SV2B: variants seen among roughly 807,000 people sequenced by gnomAD.
The protein encoded by SV2B is solute carrier family 22 member B2.
Under a neutral mutation model 73.9 loss-of-function variants are expected in SV2B, and 41 were observed. That is an observed-to-expected ratio of 0.56 (90% CI 0.43 to 0.72). The LOEUF is 0.72. SV2B is among the 30% of genes least tolerant of loss of function. The probability of loss-of-function intolerance (pLI) is 0.00; values close to 1 mark genes in which losing one functional copy is unlikely to be tolerated. For synonymous variants in SV2B, 314 were observed against 314.2 expected, an observed-to-expected ratio of 1.00 and a Z score of 0.01; for missense variants, 764 against 857.8, an observed-to-expected ratio of 0.89 and a Z score of 1.37.
intron 1 of SV2B, among the ~76,000 whole-genome samples, chr15:91,104,371 A>G (rs2041819773): frequency 6.6e-6 from 1 of 152,228 alleles, no homozygotes; most frequent in African/African-American, 2.4e-5. Flanking sequence ...TTCACATGGT[A>G]GTGGCAGGAG....
chr15:91,159,966 TA>T (rs2043651785), intron 1 of SV2B, among the ~76,000 whole-genome samples: 1 of 151,970 alleles, frequency 6.6e-6, no homozygotes, highest in African/African-American at 2.4e-5. Flanking sequence ...TAAAATGAAA[TA>T]AAAATTGACA....
At chr15:91,291,109 A>G (rs2049025775) in intron 12 of SV2B, among the ~76,000 whole-genome samples, 1 of 122,078 alleles carries the variant, frequency 8.2e-6, no homozygotes, top group Non-Finnish European at 1.6e-5. Flanking sequence ...TTATATATAA[A>G]TATATATATT....
intron 1 of SV2B, among the ~76,000 whole-genome samples, chr15:91,185,431 A>G (rs148212582): frequency 4.6e-5 from 7 of 152,330 alleles, no homozygotes; most frequent in African/African-American, 1.7e-4. Flanking sequence ...GTGCACTGTT[A>G]TCTACTTAAT....
At chr15:91,279,240 T>C (rs1283628512) in intron 9 of SV2B, among the ~76,000 whole-genome samples, 6 of 152,240 alleles carry the variant, frequency 3.9e-5, no homozygotes, top group Non-Finnish European at 1.5e-5. Context: ...GTTTATCTCT[T>C]TAATTAGACT....
rs546195043 is a variant in SV2B at position 91,276,603 on chromosome 15, A to T, written c.1374-5125A>T. ...CCATGATGAGCCTAATAATGAGTCT[A>T]TCAACGACATTCTTAATATCTGTTA... On this transcript the variant is annotated intron_variant, in intron 9 of 12. Coordinates refer to ENST00000394232, the MANE Select transcript of SV2B (RefSeq NM_001323032.3). Among the ~76,000 whole-genome samples the T allele has an allele frequency of 2.0e-5, 3 of 152,040 alleles. No homozygotes were observed. The East Asian group carries it at 5.8e-4, about 29-fold the overall frequency.
chr15:91,133,957 C>T (rs1322053735), intron 1 of SV2B, among the ~76,000 whole-genome samples: 1 of 150,742 alleles, frequency 6.6e-6, no homozygotes, highest in South Asian at 2.1e-4. Context: ...TGTTGAGATA[C>T]CTTAAAAATA....
At chr15:91,266,732 A>G (rs779183972) in intron 7 of SV2B, 40 bp downstream of exon 7, 46 of 1,502,292 alleles carry the variant, frequency 3.1e-5, no homozygotes, top group South Asian at 4.6e-5. Flanking sequence ...ATGCGTCTCT[A>G]TGGGAGTCTC....
intron 11 of SV2B, among the ~76,000 whole-genome samples, chr15:91,287,455 T>C (rs2048897806): frequency 6.6e-6 from 1 of 152,222 alleles, no homozygotes; most frequent in South Asian, 2.1e-4. Flanking sequence ...GTCACTTTTC[T>C]AGTCTGCAAC....
intron 5 of SV2B, 68 bp from the exon 6 acceptor site, chr15:91,260,252 C>G: frequency 7.2e-7 from 1 of 1,392,986 alleles, no homozygotes; most frequent in Non-Finnish European, 9.8e-7. Context: ...GTAGGATTTT[C>G]CACCCCTAAT....
At position 91,267,408 on chromosome 15, in the gene SV2B, T is replaced by C; in HGVS notation, c.1120-147T>C. Reference sequence around the variant, plus strand: ...GGCTTTCCTTGTTATTTGGACAGTTTTGCTGCCTCTAGGAGACAGTGGGGT... The same window carrying C: ...GGCTTTCCTTGTTATTTGGACAGTTCTGCTGCCTCTAGGAGACAGTGGGGT... On this transcript the variant is annotated intron_variant, in intron 7 of 12. Transcript: ENST00000394232. This position sits in a 1 kb window ranked among gnomAD's most constrained non-coding sequence, Gnocchi z 4.3. The C allele has an allele frequency of 3.1e-6, 2 of 642,898 alleles. No homozygotes were observed. Among genetic ancestry groups the C allele is most frequent in the Non-Finnish European group, 5.5e-6 (2 of 361,324 alleles). 39.8% of individuals were successfully genotyped at this position (642,898 alleles called of 1,614,324 possible).
chr15:91,267,537 C>G lies in SV2B; in HGVS notation c.1120-18C>G, dbSNP rs777050376. On this transcript the variant is annotated intron_variant, in intron 7 of 12. Coordinates refer to ENST00000394232, the MANE Select transcript of SV2B (RefSeq NM_001323032.3). This position sits in a 1 kb window ranked among gnomAD's most constrained non-coding sequence, Gnocchi z 4.3. ...CACATTGCTTTCTTTAACAATCCTT[C>G]TCTGGTATGGGTTGTAGGTCTGGGA... The G allele has an allele frequency of 6.3e-7, 1 of 1,598,856 alleles. No homozygotes were observed. The highest frequency in any genetic ancestry group is 1.1e-5 in the South Asian group (1 of 90,108).
intron 2 of SV2B, among the ~76,000 whole-genome samples, chr15:91,228,460 T>A (rs191824401): frequency 1.3e-5 from 2 of 152,290 alleles, no homozygotes; most frequent in East Asian, 3.9e-4. Flanking sequence ...CTCCAACTGA[T>A]GTAAACATTT....
intron 2 of SV2B, among the ~76,000 whole-genome samples, chr15:91,235,299 A>G (rs118174145): frequency 4.7e-3 from 720 of 152,232 alleles, no homozygotes; most frequent in Non-Finnish European, 8.0e-3. Flanking sequence ...AAGGAAGAAA[A>G]CCCTTCTTAA....
At chr15:91,249,382 C>A (rs929388400) in intron 2 of SV2B, among the ~76,000 whole-genome samples, 1 of 152,138 alleles carries the variant, frequency 6.6e-6, no homozygotes, top group Non-Finnish European at 1.5e-5. Flanking sequence ...CTGACAGATA[C>A]CTTTATTGAG....
chr15:91,219,655 G>T (rs1192091958), intron 1 of SV2B, among the ~76,000 whole-genome samples: 1 of 152,106 alleles, frequency 6.6e-6, no homozygotes, highest in Non-Finnish European at 1.5e-5. Context: ...TCCACTCATT[G>T]TAAGTGTTCA....
rs2049018913 is a variant in SV2B at position 91,290,909 on chromosome 15, G to C, written c.1868+1229G>C. Among the ~76,000 whole-genome samples, 1 of 152,026 alleles carries C rather than the reference G, an allele frequency of 6.6e-6. No individual in the cohort carries two copies. The highest frequency in any genetic ancestry group is 1.5e-5 in the Non-Finnish European group (1 of 68,004). ...TGTGCCTGTAGTCCTAGCTGCTCAG[G>C]AGGCTGAGGGGGAGAGCTGCGAGAG... On this transcript the variant is annotated intron_variant, in intron 12 of 12. Coordinates refer to ENST00000394232, the MANE Select transcript of SV2B (RefSeq NM_001323032.3). The surrounding 1 kb of genome is among the most constrained non-coding windows in gnomAD (Gnocchi z 4.7).
intron 2 of SV2B, among the ~76,000 whole-genome samples, chr15:91,237,877 T>G (rs1056983193): frequency 3.3e-5 from 5 of 152,212 alleles, no homozygotes; most frequent in South Asian, 4.1e-4. Context: ...CTTTACAGAT[T>G]TTCAATGGTT....
Position 91,226,445 on chromosome 15 carries a change from C to G in SV2B, c.182C>G (p.Ala61Gly), listed in dbSNP as rs1263329403. ...ATCCCTCACCCAGATGATGTCAAGG[C>G]CAAGCAGGCCAAGATGGCGCCCTCC... ...QGIPHPDDVK[A>G]KQAKMAPSRM... Residue 61 changes from alanine to glycine, a missense_variant, in exon 2 of 13, where the codon GCC (alanine) becomes GGC (glycine). Ala to Gly is a moderately conservative substitution (Grantham distance 60, BLOSUM62 0). Transcript: ENST00000394232. The G allele has an allele frequency of 6.2e-7, 1 of 1,614,174 alleles. No homozygotes were observed. Among genetic ancestry groups the G allele is most frequent in the East Asian group, 2.2e-5 (1 of 44,874 alleles).
intron 1 of SV2B, among the ~76,000 whole-genome samples, chr15:91,190,859 C>A (rs1378960394): frequency 1.3e-5 from 2 of 151,800 alleles, no homozygotes; most frequent in African/African-American, 4.8e-5. Context: ...GATTTATCTA[C>A]TTCTCTCTGT....
Sources: allele counts gnomAD v4.1 joint callset (sites outside exome capture counted in the v4.1 genomes callset), GRCh38; gene constraint gnomAD v4.1.1; non-coding constraint Gnocchi (gnomAD v3.1); transcripts MANE v1.5; gene names NCBI Gene and HGNC (gene_info 2026-07-23, HGNC 2026-07-21).